The following SYN3 variants were observed in gnomAD, a reference collection of about 807,000 sequenced individuals.
SYN3 encodes synapsin-3.
In SYN3, 35 loss-of-function variants were observed where a neutral mutation model predicts 65.8. That is an observed-to-expected ratio of 0.53 (90% CI 0.41 to 0.70). The LOEUF is 0.70. Among genes scored for constraint, SYN3 ranks in the 30% least tolerant of loss-of-function variants. SYN3 has a pLI of 0.00. For missense variants in SYN3, 680 were observed against 749.0 expected (o/e 0.91, Z 1.08); for synonymous variants, 270 against 292.9 (o/e 0.92, Z 0.80).
chr22:33,014,065 C>T (rs2053411601), intron 1 of SYN3, among the ~76,000 whole-genome samples: 1 of 133,756 alleles, frequency 7.5e-6, no homozygotes, highest in Non-Finnish European at 1.6e-5. Flanking sequence ...CTAAGATGCC[C>T]AGCTAGTTAA....
intron 1 of SYN3, among the ~76,000 whole-genome samples, chr22:33,019,259 T>C (rs1293773989): frequency 6.6e-6 from 1 of 152,232 alleles, no homozygotes; most frequent in Non-Finnish European, 1.5e-5. Context: ...GTCATGCTCT[T>C]CCAAAAGTCC....
At chr22:32,614,640 G>A (rs776701002) in intron 6 of SYN3, among the ~76,000 whole-genome samples, 19 of 152,200 alleles carry the variant, frequency 1.2e-4, no homozygotes, top group Non-Finnish European at 4.4e-5. Context: ...AGCAGAGACT[G>A]TGGGCAGGTC....
At chr22:32,892,809 G>C (rs576861143) in intron 4 of SYN3, among the ~76,000 whole-genome samples, 3 of 152,152 alleles carry the variant, frequency 2.0e-5, no homozygotes, top group Non-Finnish European at 2.9e-5. Context: ...ATGAATGCCA[G>C]TTTGCTGAAG....
intron 4 of SYN3, among the ~76,000 whole-genome samples, chr22:32,915,790 G>A (rs2050171878): frequency 6.6e-6 from 1 of 152,192 alleles, no homozygotes; most frequent in South Asian, 2.1e-4. Context: ...GGAAGCCCTT[G>A]TAGAGTTTTA....
rs534269834 is a variant in SYN3, at chr22:32,764,131, C to T, written c.711+100784G>A. ...TTTTGTATATACTTTTTAGTAGAGA[C>T]GGGGTTTCTCCAGGTTGGCCAGGCT... On this transcript the variant is annotated intron_variant, in intron 6 of 13. Coordinates refer to ENST00000358763, the MANE Select transcript of SYN3 (RefSeq NM_003490.4). 5.9e-5 allele frequency among the ~76,000 whole-genome samples: 9 copies of T among 152,184 alleles called. No homozygotes were observed. In the East Asian group the frequency reaches 7.7e-4, roughly 13 times the overall value.
At chr22:32,848,949 G>T (rs1251118318) in intron 6 of SYN3, among the ~76,000 whole-genome samples, 1 of 152,170 alleles carries the variant, frequency 6.6e-6, no homozygotes, top group Non-Finnish European at 1.5e-5. Context: ...GGCACTGTGG[G>T]AAGCTAGGGT....
chr22:32,757,655 T>TTGATC (rs2045336661), intron 6 of SYN3, among the ~76,000 whole-genome samples: 1 of 152,138 alleles, frequency 6.6e-6, no homozygotes, highest in East Asian at 1.9e-4. Flanking sequence ...GGTGGCTGGG[T>TTGATC]TGATCGACCC....
At chr22:32,540,220 G>C (rs2058232429) in intron 8 of SYN3, among the ~76,000 whole-genome samples, 1 of 152,198 alleles carries the variant, frequency 6.6e-6, no homozygotes, top group African/African-American at 2.4e-5. Context: ...GGCAATCCAG[G>C]TAGTGCTAAA....
intron 6 of SYN3, among the ~76,000 whole-genome samples, chr22:32,854,387 A>G (rs1013993213): frequency 1.3e-5 from 2 of 152,128 alleles, no homozygotes; most frequent in Non-Finnish European, 2.9e-5. Context: ...AAATGACCAG[A>G]CTGTAACCAG....
intron 5 of SYN3, among the ~76,000 whole-genome samples, chr22:32,868,401 A>G (rs1270861684): frequency 6.6e-6 from 1 of 151,572 alleles, no homozygotes; most frequent in African/African-American, 2.4e-5. Flanking sequence ...AACATGTATA[A>G]TATATAACAT....
chr22:32,854,127 A>G lies in SYN3; in HGVS notation c.711+10788T>C, dbSNP rs967477948. 2.0e-5 allele frequency among the ~76,000 whole-genome samples: 3 copies of G among 152,354 alleles called. No homozygotes were observed. In the East Asian group the frequency reaches 5.8e-4, roughly 29 times the overall value. On this transcript the variant is annotated intron_variant, in intron 6 of 13. Coordinates refer to ENST00000358763, the MANE Select transcript of SYN3 (RefSeq NM_003490.4). ...TGATTACAGACATGATACTTTTAGA[A>G]TCAATATTTAAATCAAGGTAGGATT...
At chr22:32,858,973 T>C (rs1477401373) in intron 6 of SYN3, among the ~76,000 whole-genome samples, 2 of 152,146 alleles carry the variant, frequency 1.3e-5, no homozygotes. Context: ...TGATAAGAAT[T>C]AAAGAGAATA....
chr22:32,679,875 A>T (rs2060500764), intron 6 of SYN3, among the ~76,000 whole-genome samples: 1 of 17,946 alleles, frequency 5.6e-5, no homozygotes, highest in Non-Finnish European at 1.0e-4. Flanking sequence ...GAGTTTTAGG[A>T]ATTCCTTATA....
At chr22:32,681,524 C>T (rs987500979) in intron 6 of SYN3, among the ~76,000 whole-genome samples, 11 of 152,186 alleles carry the variant, frequency 7.2e-5, no homozygotes, top group Admixed American at 4.6e-4. Context: ...GAGAAAACCA[C>T]GACTCAGAGA....
At chr22:33,057,019 C>T (rs1017708049) in intron 1 of SYN3, among the ~76,000 whole-genome samples, 4 of 152,336 alleles carry the variant, frequency 2.6e-5, no homozygotes, top group Admixed American at 1.3e-4. Context: ...GTGCAGGCTG[C>T]AGAAGCAAGC....
intron 12 of SYN3, among the ~76,000 whole-genome samples, chr22:32,521,807 A>G (rs1387732930): frequency 6.6e-6 from 1 of 152,208 alleles, no homozygotes; most frequent in Non-Finnish European, 1.5e-5. Flanking sequence ...CAGTTCAAAT[A>G]AAACATTTGT....
intron 6 of SYN3, among the ~76,000 whole-genome samples, chr22:32,803,230 G>A (rs1243152151): frequency 2.0e-5 from 3 of 152,262 alleles, no homozygotes; most frequent in South Asian, 4.2e-4. Flanking sequence ...CGATTCAGAG[G>A]TGAAGAATGG....
chr22:33,007,093 T>C (rs2053218103), intron 1 of SYN3, among the ~76,000 whole-genome samples: 1 of 152,232 alleles, frequency 6.6e-6, no homozygotes, highest in African/African-American at 2.4e-5. Flanking sequence ...AGCGAAATAC[T>C]GGGAAGTATC....
At chr22:32,925,598 T>C (rs999715311) in intron 4 of SYN3, among the ~76,000 whole-genome samples, 2 of 152,224 alleles carry the variant, frequency 1.3e-5, no homozygotes, top group Admixed American at 6.5e-5. Context: ...GTGATTCTTG[T>C]GTTCAGGCAG....
Sources: gnomAD v4.1 joint callset for allele counts (sites outside exome capture counted in the v4.1 genomes callset) on GRCh38, gnomAD v4.1.1 for gene constraint, MANE v1.5 for transcripts, NCBI Gene and HGNC (gene_info 2026-07-23, HGNC 2026-07-21) for gene names.